The following AGAP1 variants were observed in gnomAD, a reference collection of about 807,000 sequenced individuals.
AGAP1 encodes ArfGAP with GTPase domain, ankyrin repeat and PH domain 1.
A neutral mutation model predicts 105.3 loss-of-function variants in AGAP1; 29 were observed. The ratio of observed to expected loss-of-function variants is 0.28; its 90% CI spans 0.21 to 0.38. The LOEUF is 0.38. Ranked by LOEUF, AGAP1 falls within the 10% of genes least tolerant of loss-of-function variation. The pLI is 1.00. For missense variants in AGAP1, 998 were observed against 1,165.1 expected, an observed-to-expected ratio of 0.86 and a Z score of 2.09; for synonymous variants, 509 against 485.9, an observed-to-expected ratio of 1.05 and a Z score of -0.63.
intron 1 of AGAP1, among the ~76,000 whole-genome samples, chr2:235,536,626 TTCAC>T (rs1559231595): frequency 6.3e-5 from 4 of 63,262 alleles, no homozygotes; most frequent in South Asian, 5.2e-4. Context: ...TGTCGCATCC[TTCAC>T]ACACACACAC....
At chr2:235,813,803 G>A (rs761810237) in intron 9 of AGAP1, among the ~76,000 whole-genome samples, 10 of 152,214 alleles carry the variant, frequency 6.6e-5, no homozygotes, top group South Asian at 4.1e-4. Flanking sequence ...TGGAAGAATT[G>A]GATCACACGT....
chr2:236,097,233 G>A (rs535881083), intron 16 of AGAP1, among the ~76,000 whole-genome samples: 79 of 152,070 alleles, frequency 5.2e-4, no homozygotes, highest in African/African-American at 1.9e-3. Flanking sequence ...TAAGTTCTTT[G>A]GCTATAATAA....
chr2:235,862,684 G>A (rs1276835065), intron 9 of AGAP1, among the ~76,000 whole-genome samples: 1 of 152,212 alleles, frequency 6.6e-6, no homozygotes, highest in Non-Finnish European at 1.5e-5. Context: ...TAATCAGGAG[G>A]AAAGTGAGTA....
At position 236,045,956 on chromosome 2, in the gene AGAP1, G is replaced by T. The variant is rs1039269569; in HGVS notation, c.1892-3103G>T. Reference sequence around the variant, plus strand: ...TTGGGTTTCAGAGAATTCGGAGTCCGGCACAGGAATGTGTCCCACGCATGA... The same window carrying T: ...TTGGGTTTCAGAGAATTCGGAGTCCTGCACAGGAATGTGTCCCACGCATGA... On this transcript the variant is annotated intron_variant, in intron 15 of 17. Coordinates refer to ENST00000304032, the MANE Select transcript of AGAP1 (RefSeq NM_001037131.3). This position sits in a 1 kb window ranked among gnomAD's most constrained non-coding sequence, Gnocchi z 6.9. The T allele has an allele frequency of 2.1e-6, 1 of 471,652 alleles. No individual in the cohort carries two copies. The highest frequency in any genetic ancestry group is 2.3e-5 in the Admixed American group (1 of 42,582). 29.2% of individuals were successfully genotyped at this position (471,652 alleles called of 1,614,324 possible).
Position 235,736,350 on chromosome 2 carries a change from G to A in AGAP1, c.311-4613G>A, listed in dbSNP as rs1285174963. ...ACTGAAAACCATTTTTGAAAATGAA[G>A]TTATGCTGATGTCATTTAATCGTAC... is the stretch of plus-strand genomic sequence containing the variant. On this transcript the variant is annotated intron_variant, in intron 3 of 17. Transcript: ENST00000304032. This position sits in a 1 kb window ranked among gnomAD's most constrained non-coding sequence, Gnocchi z 5.5. Among the ~76,000 whole-genome samples, 1 of 152,084 alleles carries A rather than the reference G, an allele frequency of 6.6e-6. No homozygotes were observed. Among genetic ancestry groups the A allele is most frequent in the Non-Finnish European group, 1.5e-5 (1 of 68,026 alleles).
Position 235,599,833 on chromosome 2 carries a change from C to T in AGAP1, c.163+104984C>T, listed in dbSNP as rs61446503. On this transcript the variant is annotated intron_variant, in intron 1 of 17. Coordinates refer to ENST00000304032, the MANE Select transcript of AGAP1 (RefSeq NM_001037131.3). This position sits in a 1 kb window ranked among gnomAD's most constrained non-coding sequence, Gnocchi z 5.3. ...GAGCAGGGATCCTGGGATGTGATGGCACGGTCAGTCGCCCCTGGTGGAGGC... is the reference window on the plus strand; with the variant it reads ...GAGCAGGGATCCTGGGATGTGATGGTACGGTCAGTCGCCCCTGGTGGAGGC... Among the ~76,000 whole-genome samples, 8,673 of 152,296 alleles carry T rather than the reference C, an allele frequency of 0.057. 489 individuals carry two copies. Among genetic ancestry groups the T allele is most frequent in the African/African-American group, 0.14 (5,957 of 41,538 alleles).
At position 235,930,983 on chromosome 2, in the gene AGAP1, AG is replaced by A; in HGVS notation, c.1483+64del. On this transcript the variant is annotated intron_variant, in intron 12 of 17. Transcript: ENST00000304032. This position sits in a 1 kb window ranked among gnomAD's most constrained non-coding sequence, Gnocchi z 7.9. ...ACCTCAAGGTCCTTCGTTGTAAGCC[AG>A]GGGCTGGACAGGACGCCCTAAGCTC... is the stretch of plus-strand genomic sequence containing the variant. 6.3e-7 allele frequency: 1 copy of A among 1,581,284 alleles called. No homozygotes were observed. The highest frequency in any genetic ancestry group is 8.6e-7 in the Non-Finnish European group (1 of 1,162,646).
At chr2:235,536,466 CCT>C (rs1943231834) in intron 1 of AGAP1, among the ~76,000 whole-genome samples, 2 of 66,414 alleles carry the variant, frequency 3.0e-5, no homozygotes, top group Non-Finnish European at 2.7e-5. Context: ...TTTGTGGCAT[CCT>C]ACACACACAC....
At position 236,050,790 on chromosome 2, in the gene AGAP1, AGTTT is replaced by A. The variant is rs1265429491; in HGVS notation, c.2114+1514_2114+1517del. 6.6e-6 allele frequency among the ~76,000 whole-genome samples: 1 copy of A among 152,250 alleles called. No individual in the cohort carries two copies. Among genetic ancestry groups the A allele is most frequent in the Non-Finnish European group, 1.5e-5 (1 of 68,048 alleles). On this transcript the variant is annotated intron_variant, in intron 16 of 17. Transcript: ENST00000304032. The surrounding 1 kb of genome is among the most constrained non-coding windows in gnomAD (Gnocchi z 4.0). ...TTTTAATATCATGAATTATTAGAAA[AGTTT>A]GTTTATCCATCCATTAAAATTTAGA...
chr2:235,629,616 C>T (rs1946758851), intron 1 of AGAP1, among the ~76,000 whole-genome samples: 1 of 151,888 alleles, frequency 6.6e-6, no homozygotes, highest in Admixed American at 6.6e-5. Context: ...TACCTGTAAT[C>T]CCAGCACTTT....
intron 1 of AGAP1, among the ~76,000 whole-genome samples, chr2:235,511,692 A>G (rs1942116935): frequency 1.3e-5 from 2 of 152,180 alleles, no homozygotes; most frequent in South Asian, 2.1e-4. Context: ...TCCGCATTCA[A>G]GAGAGTTCCC....
At chr2:235,829,883 T>C (rs1959199122) in intron 9 of AGAP1, among the ~76,000 whole-genome samples, 2 of 151,650 alleles carry the variant, frequency 1.3e-5, no homozygotes, top group South Asian at 4.2e-4. Context: ...GAACTGGCAA[T>C]AGAGAGTGGG....
At chr2:235,834,506 A>G (rs1208410946) in intron 9 of AGAP1, among the ~76,000 whole-genome samples, 6 of 152,234 alleles carry the variant, frequency 3.9e-5, no homozygotes, top group African/African-American at 1.2e-4. Flanking sequence ...AGGAGGGCAG[A>G]GCCCTGTCCT....
chr2:235,966,389 C>T (rs572251823), intron 12 of AGAP1, among the ~76,000 whole-genome samples: 1 of 152,066 alleles, frequency 6.6e-6, no homozygotes, highest in Admixed American at 6.5e-5. Context: ...GTAGAGGAGC[C>T]GTGATGGTGG....
chr2:235,671,159 C>A (rs1374482434), intron 1 of AGAP1: 12 of 1,191,192 alleles, frequency 1.0e-5, no homozygotes, highest in Non-Finnish European at 9.5e-6. Context: ...CGGGAGCCTG[C>A]ACGTGGCCTC....
chr2:235,954,267 A>G (rs2125279227), intron 12 of AGAP1, among the ~76,000 whole-genome samples: 1 of 151,336 alleles, frequency 6.6e-6, no homozygotes, highest in African/African-American at 2.4e-5. Flanking sequence ...TCAGAGGGAC[A>G]CAGCCACATA....
rs1228211801 is a variant in AGAP1, at chr2:235,724,285, G to C, written c.310+6641G>C. Among the ~76,000 whole-genome samples the C allele has an allele frequency of 2.0e-5, 3 of 152,216 alleles. No homozygotes were observed. Among genetic ancestry groups the C allele is most frequent in the Non-Finnish European group, 2.9e-5 (2 of 68,034 alleles). On this transcript the variant is annotated intron_variant, in intron 3 of 17. Transcript: ENST00000304032. This position sits in a 1 kb window ranked among gnomAD's most constrained non-coding sequence, Gnocchi z 4.9. ...GTAATGGGGATGGCTGGTAAAGGCT[G>C]TGCCGGCCCTGCCTCCCTCCCAGAA...
chr2:235,916,548 G>A (rs6431412), intron 11 of AGAP1, among the ~76,000 whole-genome samples: 54,355 of 152,018 alleles, frequency 0.36, 10,526 homozygotes, highest in South Asian at 0.64. Flanking sequence ...CAAGGGTTTC[G>A]GAGTCCAAAT....
At position 236,105,847 on chromosome 2, in the gene AGAP1, T is replaced by G. The variant is rs1337071843; in HGVS notation, c.2115-14345T>G. ...CTCCTGACCTCATGATCCACCCTCC[T>G]CGGCCTCCCAAAGTGCTGGGATTAC... On this transcript the variant is annotated intron_variant, in intron 16 of 17. Transcript: ENST00000304032. The surrounding 1 kb of genome is among the most constrained non-coding windows in gnomAD (Gnocchi z 4.2). Among the ~76,000 whole-genome samples, 1 of 152,294 alleles carries G rather than the reference T, an allele frequency of 6.6e-6. No homozygotes were observed. The highest frequency in any genetic ancestry group is 1.5e-5 in the Non-Finnish European group (1 of 68,016).
Sources: allele counts gnomAD v4.1 joint callset (sites outside exome capture counted in the v4.1 genomes callset), GRCh38; gene constraint gnomAD v4.1.1; non-coding constraint Gnocchi (gnomAD v3.1); transcripts MANE v1.5; gene names NCBI Gene and HGNC (gene_info 2026-07-23, HGNC 2026-07-21).